The following STXBP6 variants were observed in gnomAD, a reference collection of about 807,000 sequenced individuals.
STXBP6 encodes syntaxin-binding protein 6.
Under a neutral mutation model 26.9 loss-of-function variants are expected in STXBP6, and 21 were observed. The ratio of observed to expected loss-of-function variants is 0.78; its 90% confidence interval spans 0.55 to 1.12. The LOEUF (loss-of-function observed/expected upper bound fraction) is 1.12. STXBP6 is among the 50% of genes most tolerant of loss of function. STXBP6 has a pLI of 0.00. For synonymous variants in STXBP6, 97 were observed against 92.6 expected (o/e 1.05, Z -0.27); for missense variants, 232 against 257.9 (o/e 0.90, Z 0.69).
chr14:24,881,251 C>T (rs1413279070), intron 2 of STXBP6, among the ~76,000 whole-genome samples: 4 of 152,140 alleles, frequency 2.6e-5, no homozygotes, highest in Non-Finnish European at 5.9e-5. Context: ...TTTCTTGGAA[C>T]TCCACTACTT....
chr14:25,034,254 C>T (rs1378627195), intron 1 of STXBP6, among the ~76,000 whole-genome samples: 1 of 152,142 alleles, frequency 6.6e-6, no homozygotes, highest in African/African-American at 2.4e-5. Flanking sequence ...CCTAACACCC[C>T]CACACAAGAA....
chr14:24,869,672 A>G (rs533294818), intron 2 of STXBP6, among the ~76,000 whole-genome samples: 1 of 152,250 alleles, frequency 6.6e-6, no homozygotes, highest in Non-Finnish European at 1.5e-5. Context: ...ACAACTGTCA[A>G]AACGCTCTTC....
At chr14:24,902,005 C>T (rs545838314) in intron 2 of STXBP6, among the ~76,000 whole-genome samples, 1 of 152,092 alleles carries the variant, frequency 6.6e-6, no homozygotes, top group Non-Finnish European at 1.5e-5. Flanking sequence ...GCATGTACAT[C>T]ATGCCTCAAT....
chr14:24,967,859 T>C (rs924254020), intron 2 of STXBP6, among the ~76,000 whole-genome samples: 21 of 152,082 alleles, frequency 1.4e-4, no homozygotes, highest in Admixed American at 3.3e-4. Context: ...CACGGTCCTC[T>C]CCACCACACC....
chr14:24,862,281 A>G (rs553054555), intron 2 of STXBP6, among the ~76,000 whole-genome samples: 1 of 152,278 alleles, frequency 6.6e-6, no homozygotes, highest in South Asian at 2.1e-4. Flanking sequence ...TACAGGTGTG[A>G]GCCACCATGC....
intron 2 of STXBP6, among the ~76,000 whole-genome samples, chr14:24,860,783 AG>A (rs2069510178): frequency 6.6e-6 from 1 of 151,936 alleles, no homozygotes. Flanking sequence ...TAAAAAAGAA[AG>A]GAAAGAAGAA....
intron 1 of STXBP6, among the ~76,000 whole-genome samples, chr14:25,043,321 T>TC (rs763440820): frequency 1.6e-4 from 25 of 152,152 alleles, no homozygotes; most frequent in Non-Finnish European, 3.1e-4. Flanking sequence ...AGATATTTTT[T>TC]CCCGATAGCA....
At chr14:24,935,798 A>G (rs2072574010) in intron 2 of STXBP6, among the ~76,000 whole-genome samples, 1 of 152,200 alleles carries the variant, frequency 6.6e-6, no homozygotes, top group Non-Finnish European at 1.5e-5. Flanking sequence ...GACTCCACCT[A>G]GAAAGTCTTT....
chr14:24,822,740 C>A (rs1421282304), intron 4 of STXBP6, among the ~76,000 whole-genome samples: 1 of 152,052 alleles, frequency 6.6e-6, no homozygotes, highest in Non-Finnish European at 1.5e-5. Flanking sequence ...TCACCCAGTT[C>A]CATTGCATGT....
chr14:24,961,670 A>T (rs958059739), intron 2 of STXBP6, among the ~76,000 whole-genome samples: 9 of 152,138 alleles, frequency 5.9e-5, no homozygotes, highest in African/African-American at 1.9e-4. Context: ...AGGAATGAGG[A>T]TTTAAAAATT....
chr14:24,897,818 A>G (rs962418194), intron 2 of STXBP6, among the ~76,000 whole-genome samples: 1 of 152,092 alleles, frequency 6.6e-6, no homozygotes, highest in Non-Finnish European at 1.5e-5. Flanking sequence ...ATTTTCTATG[A>G]CCACTTAATT....
chr14:24,965,728 T>C (rs928674904), intron 2 of STXBP6, among the ~76,000 whole-genome samples: 1 of 152,178 alleles, frequency 6.6e-6, no homozygotes, highest in African/African-American at 2.4e-5. Context: ...TTACCATAAG[T>C]CAGTCTTCTG....
chr14:24,964,237 A>G (rs1883957811), intron 2 of STXBP6, among the ~76,000 whole-genome samples: 1 of 152,194 alleles, frequency 6.6e-6, no homozygotes, highest in Admixed American at 6.5e-5. Context: ...CTATGGAAGT[A>G]AACAGAAAGC....
In STXBP6 at chr14:24,811,962, T is replaced by C. The variant is rs2067836018; in HGVS notation, c.*747A>G. ...TACACAGAGGGTTTTAGGTAGGCTT[T>C]TCTTTAGGGCTTTACTCTCAAATTT... On this transcript the variant is annotated 3_prime_UTR_variant, in exon 6 of 6. Coordinates refer to ENST00000323944, the MANE Select transcript of STXBP6 (RefSeq NM_001394410.1). 1 of 152,190 alleles carries C rather than the reference T, an allele frequency of 6.6e-6. No homozygotes were observed. Among genetic ancestry groups the C allele is most frequent in the Non-Finnish European group, 1.5e-5 (1 of 68,026 alleles). The allele number at this position is 152,190 out of a possible 1,614,324, so 9.4% of individuals were successfully genotyped here.
intron 2 of STXBP6, among the ~76,000 whole-genome samples, chr14:24,857,774 G>A (rs901080794): frequency 4.0e-5 from 6 of 151,774 alleles, no homozygotes; most frequent in African/African-American, 9.7e-5. Context: ...CACACCTGTA[G>A]GAAAAGGACA....
chr14:24,819,182 A>G lies in STXBP6; in HGVS notation c.464T>C (p.Leu155Pro). The change falls in exon 5 of 6, where the codon CTC becomes CCC. Residue 155 changes from leucine to proline, a missense_variant. Leu to Pro is a moderately conservative substitution (Grantham distance 98, BLOSUM62 -3). Transcript: ENST00000323944. The stretch of plus-strand genomic sequence containing the variant: ...GGTCACGCTGTCAGCAGCTGAATGG[A>G]GGATGCTGTTTCCTGAAAGGAGGAG... ...QSKIMGGNSI[L>P]HSAADSVTSA... The G allele has an allele frequency of 1.9e-6, 3 of 1,614,088 alleles. No individual in the cohort carries two copies. Among genetic ancestry groups the G allele is most frequent in the Non-Finnish European group, 2.5e-6 (3 of 1,179,996 alleles).
chr14:24,945,102 A>G (rs1404113759), intron 2 of STXBP6, among the ~76,000 whole-genome samples: 1 of 145,470 alleles, frequency 6.9e-6, no homozygotes, highest in African/African-American at 2.6e-5. Flanking sequence ...TATAAAAACA[A>G]TCCTCAAACT....
At chr14:24,846,401 C>T (rs900840292) in intron 4 of STXBP6, among the ~76,000 whole-genome samples, 15 of 152,218 alleles carry the variant, frequency 9.9e-5, no homozygotes, top group Admixed American at 5.2e-4. Flanking sequence ...ATGACTAACA[C>T]GTTATGCCTT....
At chr14:25,044,419 G>C (rs531098521) in intron 1 of STXBP6, among the ~76,000 whole-genome samples, 1 of 152,150 alleles carries the variant, frequency 6.6e-6, no homozygotes, top group South Asian at 2.1e-4. Flanking sequence ...CCTGGTGGGT[G>C]TGAAGTGGCA....
Sources: allele counts gnomAD v4.1 joint callset (sites outside exome capture counted in the v4.1 genomes callset), GRCh38; gene constraint gnomAD v4.1.1; transcripts MANE v1.5; gene names NCBI Gene and HGNC (gene_info 2026-07-23, HGNC 2026-07-21).